Variants in MRTFB observed in about 807,000 individuals in gnomAD.
MRTFB encodes myocardin-related transcription factor B.
Under a neutral mutation model 104.2 loss-of-function variants are expected in MRTFB, and 29 were observed. The ratio of observed to expected loss-of-function variants is 0.28; its 90% CI spans 0.21 to 0.38. MRTFB has a LOEUF of 0.38. Among genes scored for constraint, MRTFB ranks in the 10% least tolerant of loss-of-function variants. MRTFB has a pLI of 1.00. For synonymous variants in MRTFB, 535 were observed against 519.5 expected (o/e 1.03, Z -0.41); for missense variants, 1,270 against 1,341.6 (o/e 0.95, Z 0.83).
the MRTFB span, among the ~76,000 whole-genome samples, chr16:14,032,532 A>C: frequency 6.6e-6 from 1 of 152,102 alleles, no homozygotes; most frequent in Non-Finnish European, 1.5e-5. Context: ...TTTTTGCTGC[A>C]AGCGTCAAGT....
In MRTFB at chr16:14,245,631, C is replaced by A; in HGVS notation, c.1183C>A (p.Pro395Thr). 2 of 1,613,970 alleles carry A rather than the reference C, an allele frequency of 1.2e-6. No individual in the cohort carries two copies. Among genetic ancestry groups the A allele is most frequent in the South Asian group, 1.1e-5 (1 of 91,006 alleles). Residue 395 changes from proline to threonine, a missense_variant, in exon 11 of 17, where the codon CCT becomes ACT. Pro to Thr is a conservative substitution (Grantham distance 38). Around this residue, in one of 3 missense-constraint regions of MRTFB, gnomAD observed 1,144 missense variants for 1,131.5 expected, o/e 1.01. Coordinates refer to ENST00000571589, the MANE Select transcript of MRTFB (RefSeq NM_001308142.2). Reference sequence around the variant, plus strand: ...ATCTACTCCTGTGAGAAAGCCAGGACCTCTGCCTTCTAGCCTGGATGACTT... The same window carrying A: ...ATCTACTCCTGTGAGAAAGCCAGGAACTCTGCCTTCTAGCCTGGATGACTT... ...NTSTPVRKPGPLPSSLDDLKV... is the reference protein window; with the variant it reads ...NTSTPVRKPGTLPSSLDDLKV...
chr16:14,116,054 A>T (rs1343447571), intron 2 of MRTFB, among the ~76,000 whole-genome samples: 1 of 152,084 alleles, frequency 6.6e-6, no homozygotes, highest in African/African-American at 2.4e-5. Context: ...AAATCCTTTC[A>T]TTGGCTTCTT....
At chr16:14,233,588 G>C (rs1027439178) in intron 8 of MRTFB, among the ~76,000 whole-genome samples, 3 of 152,022 alleles carry the variant, frequency 2.0e-5, no homozygotes, top group African/African-American at 7.3e-5. Context: ...AGGAGTTCAA[G>C]ACCCAGCCTG....
intron 3 of MRTFB, among the ~76,000 whole-genome samples, chr16:14,154,148 TA>T (rs1443724306): frequency 6.6e-6 from 1 of 152,092 alleles, no homozygotes; most frequent in Non-Finnish European, 1.5e-5. Flanking sequence ...GCCTGGGCAA[TA>T]AAGCTAGACC....
intron 2 of MRTFB, among the ~76,000 whole-genome samples, chr16:14,080,807 G>A (rs66802536): frequency 6.6e-6 from 1 of 152,030 alleles, no homozygotes; most frequent in Non-Finnish European, 1.5e-5. Context: ...ATGTTCTCCA[G>A]GTTCATCCAT....
chr16:14,219,013 GT>G lies in MRTFB; in HGVS notation c.693+19del. The G allele has an allele frequency of 6.4e-7, 1 of 1,573,282 alleles. No individual in the cohort carries two copies. The highest frequency in any genetic ancestry group is 1.8e-5 in the Admixed American group (1 of 54,504). ...CTCCAGCGCAGGTATTATCTTTCTGGTTTTGACCCCTAAAGAAAGAAAATGC... is the reference window on the plus strand; with the variant it reads ...CTCCAGCGCAGGTATTATCTTTCTGGTTTGACCCCTAAAGAAAGAAAATGC... On this transcript the variant is annotated intron_variant, in intron 8 of 16. Transcript: ENST00000571589.
intron 16 of MRTFB, among the ~76,000 whole-genome samples, chr16:14,258,676 G>A (rs1021610134): frequency 4.6e-5 from 7 of 152,182 alleles, no homozygotes; most frequent in South Asian, 2.1e-4. Context: ...TGTTCCATGC[G>A]TATGTCATTG....
chr16:14,152,572 TA>T (rs1170159799), intron 3 of MRTFB: 1 of 152,118 alleles, frequency 6.6e-6, no homozygotes, highest in Non-Finnish European at 1.5e-5. Context: ...AAGAAGAATA[TA>T]ATGCTAAAAA....
intron 10 of MRTFB, among the ~76,000 whole-genome samples, chr16:14,244,032 C>T (rs2042906483): frequency 6.6e-6 from 1 of 152,016 alleles, no homozygotes; most frequent in Non-Finnish European, 1.5e-5. Context: ...CGCCCGCCAC[C>T]ACGCCTGGCT....
chr16:14,042,027 A>G, the MRTFB span, among the ~76,000 whole-genome samples: 2 of 152,240 alleles, frequency 1.3e-5, no homozygotes, highest in African/African-American at 2.4e-5. Context: ...AGGAAACTCC[A>G]TACTGTTTTC....
At chr16:14,000,822 A>G in the MRTFB span, among the ~76,000 whole-genome samples, 1 of 152,254 alleles carries the variant, frequency 6.6e-6, no homozygotes, top group African/African-American at 2.4e-5. Flanking sequence ...TTACTACAGA[A>G]GGGTGGCTGG....
At position 14,139,905 on chromosome 16, in the gene MRTFB, T is replaced by C. The variant is rs998429566; in HGVS notation, c.-63-639T>C. On this transcript the variant is annotated intron_variant, in intron 2 of 16. Coordinates refer to ENST00000571589, the MANE Select transcript of MRTFB (RefSeq NM_001308142.2). ...GCCGACTTTGTAGTCCTTAAGCCAG[T>C]GTCACATGTTTAGAATTTTTGTTGT... 3.3e-5 allele frequency among the ~76,000 whole-genome samples: 5 copies of C among 152,232 alleles called. No homozygotes were observed. The East Asian group carries it at 7.7e-4, about 23-fold the overall frequency.
chr16:14,090,111 A>G (rs1285835978), intron 2 of MRTFB, among the ~76,000 whole-genome samples: 1 of 151,860 alleles, frequency 6.6e-6, no homozygotes, highest in Non-Finnish European at 1.5e-5. Flanking sequence ...CACTTTCTTC[A>G]TGTTGTTCTC....
At chr16:14,167,658 TC>T (rs1471796882) in intron 3 of MRTFB, among the ~76,000 whole-genome samples, 1 of 152,112 alleles carries the variant, frequency 6.6e-6, no homozygotes, top group Non-Finnish European at 1.5e-5. Context: ...AAGTCTTTAA[TC>T]TATCTTTTTG....
the MRTFB span, among the ~76,000 whole-genome samples, chr16:14,023,263 C>T: frequency 6.6e-6 from 1 of 151,786 alleles, no homozygotes. Flanking sequence ...TAAGGCAAGA[C>T]CCTATCTCTA....
At chr16:14,219,440 C>T (rs1419273183) in intron 8 of MRTFB, among the ~76,000 whole-genome samples, 1 of 152,132 alleles carries the variant, frequency 6.6e-6, no homozygotes, top group South Asian at 2.1e-4. Context: ...CATAATTTTT[C>T]TCTCCTTATA....
intron 3 of MRTFB, among the ~76,000 whole-genome samples, chr16:14,191,129 T>A (rs1447357091): frequency 6.6e-6 from 1 of 152,260 alleles, no homozygotes; most frequent in East Asian, 1.9e-4. Context: ...ATACTCTACC[T>A]GTACTGTCCA....
the MRTFB span, among the ~76,000 whole-genome samples, chr16:13,996,204 G>A: frequency 4.6e-3 from 703 of 152,062 alleles, 2 homozygotes; most frequent in Non-Finnish European, 4.7e-3. Flanking sequence ...CCCAGGAGGC[G>A]GAGGTTGCAG....
chr16:14,073,982 C>T (rs1158906512), intron 1 of MRTFB, among the ~76,000 whole-genome samples: 1 of 152,104 alleles, frequency 6.6e-6, no homozygotes, highest in South Asian at 2.1e-4. Flanking sequence ...ATGTTACCTA[C>T]GTATAACATT....
Sources: allele counts gnomAD v4.1 joint callset (sites outside exome capture counted in the v4.1 genomes callset), GRCh38; gene constraint gnomAD v4.1.1; regional missense constraint gnomAD v4.1.1; transcripts MANE v1.5; gene names NCBI Gene and HGNC (gene_info 2026-07-23, HGNC 2026-07-21).